The following ACSM6 variants were observed in gnomAD, a reference collection of about 807,000 sequenced individuals.
ACSM6 encodes the protein acyl-CoA synthetase medium chain family member 6.
ACSM6 carries 35 observed loss-of-function variants against 51.1 expected under a neutral mutation model. The observed-to-expected ratio is 0.69, with a 90% confidence interval of 0.52 to 0.91. The LOEUF is 0.91. Ranked by LOEUF, ACSM6 falls within the 40% of genes least tolerant of loss-of-function variation. ACSM6 has a pLI of 0.00. For missense variants in ACSM6, 509 were observed against 584.1 expected (o/e 0.87, Z 1.32); for synonymous variants, 172 against 207.3 (o/e 0.83, Z 1.46).
intron 4 of ACSM6, among the ~76,000 whole-genome samples, chr10:95,209,370 C>T (rs144599745): frequency 2.6e-5 from 4 of 152,130 alleles, no homozygotes; most frequent in Admixed American, 6.5e-5. Flanking sequence ...GGGAAGACTG[C>T]GGCAGGTCTT....
exon 4 of ACSM6, chr10:95,207,315 G>C: frequency 1.2e-6 from 2 of 1,614,168 alleles, no homozygotes; most frequent in Non-Finnish European, 1.7e-6. Context: ...TATGGCCCCA[G>C]TTGTAAACTC....
intron 3 of ACSM6, among the ~76,000 whole-genome samples, chr10:95,204,173 T>A (rs1410986320): frequency 6.6e-6 from 1 of 152,192 alleles, no homozygotes; most frequent in Non-Finnish European, 1.5e-5. Flanking sequence ...TCATTTTCAC[T>A]CACAATAATT....
chr10:95,216,682 C>T (rs770981166), intron 8 of ACSM6, among the ~76,000 whole-genome samples: 20 of 151,702 alleles, frequency 1.3e-4, no homozygotes, highest in Non-Finnish European at 2.2e-4. Flanking sequence ...AGATGCCAAA[C>T]CCAAGGAATA....
exon 11 of ACSM6, chr10:95,228,847 T>C (rs2035066741): frequency 2.2e-6 from 3 of 1,394,524 alleles, no homozygotes; most frequent in Admixed American, 6.0e-5. Context: ...CTGGACTGCT[T>C]CCAATACGTA....
chr10:95,200,600 A>AAGG (rs1309682690), intron 2 of ACSM6, among the ~76,000 whole-genome samples: 1 of 105,398 alleles, frequency 9.5e-6, no homozygotes, highest in East Asian at 1.9e-4. Context: ...GAAGAAGAAG[A>AAGG]AGGAGAAGGA....
At chr10:95,214,731 C>A in intron 7 of ACSM6, 121 bp from the exon 8 acceptor site, 1 of 1,133,320 alleles carries the variant, frequency 8.8e-7, no homozygotes. Context: ...CATCAACCAC[C>A]ACTTAATGAG....
chr10:95,217,072 A>T (rs559523047), intron 8 of ACSM6, among the ~76,000 whole-genome samples: 1 of 152,242 alleles, frequency 6.6e-6, no homozygotes, highest in Non-Finnish European at 1.5e-5. Flanking sequence ...GAAGTGGGCC[A>T]GGAGCAGTGG....
At chr10:95,216,353 T>C (rs1252777626) in intron 8 of ACSM6, among the ~76,000 whole-genome samples, 1 of 152,066 alleles carries the variant, frequency 6.6e-6, no homozygotes, top group African/African-American at 2.4e-5. Context: ...AGTAGGGAAT[T>C]AGCACATAAA....
intron 3 of ACSM6, among the ~76,000 whole-genome samples, chr10:95,203,254 T>G (rs2034811991): frequency 6.6e-6 from 1 of 152,106 alleles, no homozygotes; most frequent in Non-Finnish European, 1.5e-5. Context: ...CTCCCATCAC[T>G]CCCAGATGGG....
At chr10:95,211,411 T>C (rs1472059419) in intron 5 of ACSM6, among the ~76,000 whole-genome samples, 1 of 152,212 alleles carries the variant, frequency 6.6e-6, no homozygotes, top group Non-Finnish European at 1.5e-5. Context: ...CAAATGGTTG[T>C]GTGTTGTTAC....
Position 95,207,393 on chromosome 10 carries a change from T to C in ACSM6, c.589T>C (p.Leu197=), listed in dbSNP as rs537739129. 111 of 1,614,096 alleles carry C rather than the reference T, an allele frequency of 6.9e-5. 1 individual carries two copies. In the Admixed American group the frequency reaches 1.4e-3, roughly 21 times the overall value. The change falls in exon 4 of 11, where the codon TTG becomes CTG. Residue 197 remains leucine (L), a synonymous_variant. Transcript: ENST00000341686. ...GTCAGATAAGAGCTATGATGGGTGG[T>C]TGGATTTCAAGAAGTTGATTCAGTA...
At chr10:95,207,078 C>T (rs2034844801) in intron 3 of ACSM6, 130 bp from the exon 4 acceptor site, 4 of 801,592 alleles carry the variant, frequency 5.0e-6, no homozygotes, top group Non-Finnish European at 8.0e-6. Context: ...GTGTTACTGA[C>T]CCAATAGAGA....
intron 8 of ACSM6, among the ~76,000 whole-genome samples, chr10:95,215,868 C>T (rs930446227): frequency 8.5e-5 from 13 of 152,296 alleles, no homozygotes; most frequent in Non-Finnish European, 1.5e-4. Context: ...GGTGTTCTCA[C>T]AGACAGGGAG....
intron 4 of ACSM6, among the ~76,000 whole-genome samples, chr10:95,210,278 G>A (rs148432800): frequency 6.6e-6 from 1 of 152,282 alleles, no homozygotes; most frequent in African/African-American, 2.4e-5. Flanking sequence ...TTTGGAAGTA[G>A]AGTTGTCAGG....
chr10:95,201,966 T>C lies in ACSM6; in HGVS notation c.193-19T>C, dbSNP rs2133373599. 6.5e-7 allele frequency: 1 copy of C among 1,547,618 alleles called. No homozygotes were observed. The highest frequency in any genetic ancestry group is 1.2e-5 in the South Asian group (1 of 83,202). ...TCCATGCTGACTAATATTCATATTT[T>C]AAACATCACCCTGCCTAGGACGGAC... On this transcript the variant is annotated intron_variant, in intron 2 of 10. Coordinates refer to ENST00000341686, the Ensembl canonical transcript of ACSM6.
chr10:95,202,377 TATGCCTCTCTGA>T (rs1168647252), intron 3 of ACSM6, among the ~76,000 whole-genome samples, 182 bp downstream of exon 3: 1 of 152,200 alleles, frequency 6.6e-6, no homozygotes, highest in Non-Finnish European at 1.5e-5. Flanking sequence ...CTCTGTAAAT[TATGCCTCTCTGA>T]ATCTCAGTTT....
intron 2 of ACSM6, among the ~76,000 whole-genome samples, chr10:95,197,476 G>A (rs1440478792): frequency 6.6e-6 from 1 of 152,138 alleles, no homozygotes; most frequent in East Asian, 1.9e-4. Context: ...TAGAATCTAT[G>A]TCATAATTAA....
chr10:95,227,743 T>TG (rs1350583025), intron 10 of ACSM6, among the ~76,000 whole-genome samples: 6 of 152,210 alleles, frequency 3.9e-5, no homozygotes, highest in Non-Finnish European at 8.8e-5. Flanking sequence ...GACACATTGG[T>TG]GACGTGGTCT....
At chr10:95,215,031 G>A in intron 8 of ACSM6, 56 bp downstream of exon 8, 2 of 1,542,160 alleles carry the variant, frequency 1.3e-6, no homozygotes, top group Middle Eastern at 1.7e-4. Flanking sequence ...CATTCACTGT[G>A]TAAGCACACT....
Sources: allele counts gnomAD v4.1 joint callset (sites outside exome capture counted in the v4.1 genomes callset), GRCh38; gene constraint gnomAD v4.1.1; transcripts MANE v1.5; gene names NCBI Gene and HGNC (gene_info 2026-07-23, HGNC 2026-07-21).